NDUFAF6: variants seen among roughly 807,000 people sequenced by gnomAD.
NDUFAF6 encodes NADH dehydrogenase (ubiquinone) complex I, assembly factor 6.
Under a neutral mutation model 40.8 loss-of-function variants are expected in NDUFAF6, and 45 were observed. The ratio of observed to expected loss-of-function variants is 1.10; its 90% CI spans 0.87 to 1.42. NDUFAF6 has a LOEUF of 1.42. NDUFAF6 is among the 40% of genes most tolerant of loss of function. The pLI, the probability that NDUFAF6 is intolerant of heterozygous loss-of-function variation, is 0.00. For missense variants in NDUFAF6, 435 were observed against 418.5 expected, an observed-to-expected ratio of 1.04 and a Z score of -0.34; for synonymous variants, 185 against 155.9, an observed-to-expected ratio of 1.19 and a Z score of -1.39.
At chr8:94,930,667 G>A in intron 1 of NDUFAF6, 1 of 1,614,182 alleles carries the variant, frequency 6.2e-7, no homozygotes, top group Non-Finnish European at 8.5e-7. Context: ...AAAGTTGTAT[G>A]AGCAGCAAGA....
intron 1 of NDUFAF6, among the ~76,000 whole-genome samples, chr8:94,908,342 G>C (rs1242315877): frequency 1.3e-5 from 2 of 152,164 alleles, no homozygotes; most frequent in African/African-American, 2.4e-5. Context: ...AGAACTAGTA[G>C]CTTAGATTTA....
At position 95,035,391 on chromosome 8, in the gene NDUFAF6, A is replaced by T. The variant is rs574184527; in HGVS notation, c.298-63A>T. 24 of 1,578,796 alleles carry T rather than the reference A, an allele frequency of 1.5e-5. No individual in the cohort carries two copies. The African/African-American group carries it at 2.6e-4, about 17-fold the overall frequency. On this transcript the variant is annotated intron_variant, in intron 2 of 8. Transcript: ENST00000396124. ...TACATTAACTCAAAAAATTCCCTCA[A>T]AGATACTGATTTTTTAGACAGTAGA...
chr8:95,086,504 C>T (rs1809046954), intron 2 of NDUFAF6, among the ~76,000 whole-genome samples: 1 of 152,208 alleles, frequency 6.6e-6, no homozygotes, highest in Admixed American at 6.5e-5. Flanking sequence ...AAATGGCCTC[C>T]TTCCCTTAAA....
At chr8:95,057,746 T>G in intron 8 of NDUFAF6, 63 bp from the exon 9 acceptor site, 3 of 535,968 alleles carry the variant, frequency 5.6e-6, no homozygotes, top group African/African-American at 2.4e-5. Context: ...CTTTAGTTAG[T>G]TTTTTTTTTT....
At chr8:95,075,806 C>T (rs1487985781) in exon 10 of NDUFAF6, 9 of 715,202 alleles carry the variant, frequency 1.3e-5, no homozygotes, top group Non-Finnish European at 1.9e-5. Flanking sequence ...AATCTTGCTT[C>T]ACTCGAACAC....
upstream of NDUFAF6, among the ~76,000 whole-genome samples, chr8:94,957,379 T>C (rs1297944629): frequency 6.6e-6 from 1 of 152,102 alleles, no homozygotes; most frequent in East Asian, 1.9e-4. Context: ...AGGGAGAGAT[T>C]ATGGACAGAG....
At chr8:94,923,795 T>G (rs1296219001) in intron 1 of NDUFAF6, among the ~76,000 whole-genome samples, 1 of 151,072 alleles carries the variant, frequency 6.6e-6, no homozygotes, top group Admixed American at 6.6e-5. Flanking sequence ...TTCTTCTGCC[T>G]CAGCCTCCCA....
intron 2 of NDUFAF6, among the ~76,000 whole-genome samples, chr8:95,000,750 A>G (rs1826689870): frequency 6.6e-6 from 1 of 152,070 alleles, no homozygotes; most frequent in Non-Finnish European, 1.5e-5. Flanking sequence ...AGCCTGGCCA[A>G]CATCATGAAA....
chr8:95,027,181 TG>T (rs1427203566), intron 1 of NDUFAF6, among the ~76,000 whole-genome samples: 2 of 152,218 alleles, frequency 1.3e-5, no homozygotes, highest in Non-Finnish European at 2.9e-5. Context: ...TTGTGTGGAA[TG>T]GGGGCTCTTG....
intron 9 of NDUFAF6, among the ~76,000 whole-genome samples, chr8:95,065,043 A>G (rs1363231643): frequency 6.6e-6 from 1 of 152,166 alleles, no homozygotes; most frequent in Non-Finnish European, 1.5e-5. Context: ...AGGGCATGAA[A>G]GCTTCATGCC....
intron 1 of NDUFAF6, among the ~76,000 whole-genome samples, chr8:94,931,659 T>C (rs1460420828): frequency 6.6e-6 from 1 of 151,770 alleles, no homozygotes; most frequent in Non-Finnish European, 1.5e-5. Context: ...AAGAAACTAA[T>C]AGAAAAAAGT....
chr8:94,984,611 A>G (rs1008104185), intron 2 of NDUFAF6, among the ~76,000 whole-genome samples: 1 of 152,214 alleles, frequency 6.6e-6, no homozygotes, highest in East Asian at 1.9e-4. Flanking sequence ...CTTATGCTAC[A>G]GGAGACCAGA....
In NDUFAF6 at chr8:95,043,324, C is replaced by T. The variant is rs1218181760; in HGVS notation, c.477+1698C>T. The stretch of plus-strand genomic sequence containing the variant: ...CAGGATGGTCTTGATCTCCTGACCT[C>T]GTGATCCACCCGCCTCAGCCTCCCG... On this transcript the variant is annotated intron_variant, in intron 4 of 8. Coordinates refer to ENST00000396124, the MANE Select transcript of NDUFAF6 (RefSeq NM_152416.4). 2.6e-5 allele frequency among the ~76,000 whole-genome samples: 4 copies of T among 151,482 alleles called. No individual in the cohort carries two copies. In the South Asian group the frequency reaches 6.3e-4, roughly 24 times the overall value.
At position 95,032,186 on chromosome 8, in the gene NDUFAF6, A is replaced by T. The variant is rs7813759; in HGVS notation, c.297+92A>T. Reference sequence around the variant, plus strand: ...ATAAAGAAATATAGTTGTAATTTATATGTTAGATGTGTTTAAGGTCTCTGC... The same window carrying T: ...ATAAAGAAATATAGTTGTAATTTATTTGTTAGATGTGTTTAAGGTCTCTGC... On this transcript the variant is annotated intron_variant, in intron 2 of 8. Transcript: ENST00000396124. 3,180 of 1,103,850 alleles carry T rather than the reference A, an allele frequency of 2.9e-3. 68 individuals are homozygous for T. The African/African-American group carries it at 0.042, about 15-fold the overall frequency. 68.4% of individuals were successfully genotyped at this position (1,103,850 alleles called of 1,614,324 possible).
chr8:94,919,339 G>A (rs1052123700), intron 1 of NDUFAF6, among the ~76,000 whole-genome samples: 98 of 152,026 alleles, frequency 6.4e-4, no homozygotes, highest in Non-Finnish European at 2.1e-4. Context: ...GAGCTCCTGC[G>A]CCTGTGATTA....
intron 1 of NDUFAF6, among the ~76,000 whole-genome samples, chr8:94,907,990 C>T (rs1818502951): frequency 6.6e-6 from 1 of 152,194 alleles, no homozygotes; most frequent in Non-Finnish European, 1.5e-5. Flanking sequence ...GCAGGTACTA[C>T]ATTCACCTCT....
At position 94,917,305 on chromosome 8, in the gene NDUFAF6, C is replaced by A. The variant is rs548529547; in HGVS notation, c.-936+21378C>A. ...GAGCTACAGAGGCATTTACAAATAT[C>A]TTTGCATTAACCTCAAATCAGCAAG... On this transcript the variant is annotated intron_variant, in intron 1 of 14. Transcript: ENST00000396113. Among the ~76,000 whole-genome samples the A allele has an allele frequency of 7.6e-4, 116 of 152,260 alleles. 1 individual carries two copies. The highest frequency in any genetic ancestry group is 2.7e-3 in the African/African-American group (112 of 41,552).
intron 1 of NDUFAF6, among the ~76,000 whole-genome samples, chr8:94,907,293 G>A (rs977002233): frequency 6.6e-6 from 1 of 152,142 alleles, no homozygotes; most frequent in Non-Finnish European, 1.5e-5. Flanking sequence ...AGGTAGCAAG[G>A]ACCTTGCACA....
At chr8:95,072,737 G>C (rs538526660) in intron 9 of NDUFAF6, 2 of 153,026 alleles carry the variant, frequency 1.3e-5, no homozygotes, top group Non-Finnish European at 2.9e-5. Flanking sequence ...GTATGTGTGT[G>C]GTGGTGCAAG....
Sources: gnomAD v4.1 joint callset for allele counts (sites outside exome capture counted in the v4.1 genomes callset) on GRCh38, gnomAD v4.1.1 for gene constraint, MANE v1.5 for transcripts, NCBI Gene and HGNC (gene_info 2026-07-23, HGNC 2026-07-21) for gene names.